TOP6BL: variants seen among roughly 807,000 people sequenced by gnomAD.
The protein encoded by TOP6BL is TOP6B like initiator of meiotic double strand breaks, also known as type 2 DNA topoisomerase 6 subunit B-like.
At chr11:66,775,768 C>T in the TOP6BL span, among the ~76,000 whole-genome samples, 1 of 152,112 alleles carries the variant, frequency 6.6e-6, no homozygotes, top group African/African-American at 2.4e-5. Flanking sequence ...GAAACGAGGA[C>T]CTGGGGCTTC....
the TOP6BL span, among the ~76,000 whole-genome samples, chr11:66,760,526 C>G: frequency 2.7e-5 from 4 of 150,018 alleles, no homozygotes; most frequent in Non-Finnish European, 5.9e-5. Context: ...TGCCTGTAAT[C>G]CCAGCACTTT....
chr11:66,761,094 G>A, the TOP6BL span, among the ~76,000 whole-genome samples: 2 of 151,460 alleles, frequency 1.3e-5, no homozygotes, highest in Non-Finnish European at 1.5e-5. Flanking sequence ...ACGATAGGCC[G>A]GGCGCGGTGG....
the TOP6BL span, among the ~76,000 whole-genome samples, chr11:66,768,000 C>G: frequency 6.6e-6 from 1 of 152,148 alleles, no homozygotes; most frequent in Non-Finnish European, 1.5e-5. Context: ...CCATGTTGCC[C>G]AAGCTGGTTT....
the TOP6BL span, chr11:66,816,032 G>T: frequency 1.3e-6 from 2 of 1,568,938 alleles, no homozygotes; most frequent in Non-Finnish European, 8.7e-7. Flanking sequence ...TTAGAAATTC[G>T]TGTAATATCT....
At chr11:66,842,228 ATC>A in the TOP6BL span, among the ~76,000 whole-genome samples, 1 of 152,294 alleles carries the variant, frequency 6.6e-6, no homozygotes, top group South Asian at 2.1e-4. Context: ...CAGCTCAGGT[ATC>A]TCCTCATGGA....
chr11:66,778,178 A>G, the TOP6BL span, among the ~76,000 whole-genome samples: 2 of 151,280 alleles, frequency 1.3e-5, no homozygotes, highest in Admixed American at 1.3e-4. Context: ...CTGGGATTAC[A>G]GACTTGAGCC....
chr11:66,792,000 G>T, the TOP6BL span, among the ~76,000 whole-genome samples: 1 of 152,026 alleles, frequency 6.6e-6, no homozygotes, highest in Non-Finnish European at 1.5e-5. Flanking sequence ...TATATTTTTA[G>T]TAGAGATGGG....
chr11:66,816,439 C>T, the TOP6BL span, among the ~76,000 whole-genome samples: 1 of 152,198 alleles, frequency 6.6e-6, no homozygotes, highest in Non-Finnish European at 1.5e-5. Flanking sequence ...TCATATATTG[C>T]TCCCTAGGGA....
At chr11:66,836,700 A>ATT in the TOP6BL span, among the ~76,000 whole-genome samples, 25,426 of 107,564 alleles carry the variant, frequency 0.24, 3,792 homozygotes, top group Middle Eastern at 0.28. Flanking sequence ...AGAAAATATG[A>ATT]TTTTTTTTTT....
chr11:66,777,117 ATATC>A, the TOP6BL span, among the ~76,000 whole-genome samples: 15 of 150,428 alleles, frequency 1.0e-4, no homozygotes, highest in African/African-American at 2.7e-4. Flanking sequence ...ATCTATATCT[ATATC>A]TATAATGTTG....
chr11:66,800,575 A>G, the TOP6BL span: 1 of 1,248,148 alleles, frequency 8.0e-7, no homozygotes, highest in South Asian at 1.4e-5. Context: ...TAGGGATTAG[A>G]TATGGAAGTT....
chr11:66,744,812 G>A, the TOP6BL span: 7 of 1,291,878 alleles, frequency 5.4e-6, no homozygotes, highest in Non-Finnish European at 6.8e-6. Flanking sequence ...AGCCCGGGCT[G>A]AGGAGGGGGC....
chr11:66,825,872 C>T, the TOP6BL span, among the ~76,000 whole-genome samples: 2 of 150,712 alleles, frequency 1.3e-5, no homozygotes, highest in Admixed American at 6.6e-5. Flanking sequence ...GACAGTGTCT[C>T]GCTCTGTCGC....
At chr11:66,753,727 CAG>C in the TOP6BL span, among the ~76,000 whole-genome samples, 4 of 151,332 alleles carry the variant, frequency 2.6e-5, no homozygotes, top group Non-Finnish European at 4.4e-5. Flanking sequence ...TTTTTTAAGA[CAG>C]AGTCTCATTC....
the TOP6BL span, among the ~76,000 whole-genome samples, chr11:66,840,092 T>C: frequency 2.0e-5 from 3 of 152,286 alleles, no homozygotes; most frequent in African/African-American, 7.2e-5. Context: ...TGTTCTGTCC[T>C]ACAGACCTGT....
At chr11:66,761,628 G>A in the TOP6BL span, 3 of 1,210,166 alleles carry the variant, frequency 2.5e-6, no homozygotes, top group Admixed American at 6.5e-5. Flanking sequence ...ATGTACGCCT[G>A]GTGCTCCGGG....
the TOP6BL span, among the ~76,000 whole-genome samples, chr11:66,798,236 G>A: frequency 4.6e-5 from 7 of 151,976 alleles, no homozygotes; most frequent in African/African-American, 1.2e-4. Flanking sequence ...GGAAGAAAAA[G>A]CAAAGAAAAA....
At chr11:66,821,728 G>C in the TOP6BL span, 1 of 1,613,450 alleles carries the variant, frequency 6.2e-7, no homozygotes, top group South Asian at 1.1e-5. Context: ...AATTCACTGT[G>C]GACAAGGTCT....
At chr11:66,764,619 C>A in the TOP6BL span, among the ~76,000 whole-genome samples, 1 of 148,280 alleles carries the variant, frequency 6.7e-6, no homozygotes, top group East Asian at 2.0e-4. Context: ...AAGCTGAGAT[C>A]ATGCCACTGC....
Sources: allele counts gnomAD v4.1 joint callset (sites outside exome capture counted in the v4.1 genomes callset), GRCh38; gene constraint gnomAD v4.1.1; transcripts MANE v1.5; gene names NCBI Gene and HGNC (gene_info 2026-07-23, HGNC 2026-07-21).